The following LZTS1 variants were observed in gnomAD, a reference collection of about 807,000 sequenced individuals.
The protein encoded by LZTS1 is leucine zipper putative tumor suppressor 1.
A neutral mutation model predicts 45.8 loss-of-function variants in LZTS1; 31 were observed. The observed-to-expected ratio is 0.68, with a 90% CI of 0.51 to 0.91. LZTS1 has a LOEUF of 0.91. LZTS1 is among the 40% of genes least tolerant of loss of function. The pLI is 0.00. For synonymous variants in LZTS1, 359 were observed against 357.3 expected (o/e 1.00, Z -0.05); for missense variants, 821 against 788.9 (o/e 1.04, Z -0.49).
In LZTS1 at chr8:20,250,246, G is replaced by A. The variant is rs763490121; in HGVS notation, c.1267C>T (p.Arg423Trp). The change falls in exon 4 of 4, where the codon CGG (arginine) becomes TGG (tryptophan). Residue 423 changes from arginine (R) to tryptophan (W), a missense_variant. Transcript: ENST00000381569. Reference sequence around the variant, plus strand: ...AGCTCCAGGCCCTCCAGCTTGCCCCGCGTGTCCTTCAGCTGTGCCTTGAGA... The same window carrying A: ...AGCTCCAGGCCCTCCAGCTTGCCCCACGTGTCCTTCAGCTGTGCCTTGAGA... Reference protein sequence around the residue: ...LGLKAQLKDTRGKLEGLELRT... With the variant: ...LGLKAQLKDTWGKLEGLELRT... 46 of 1,613,496 alleles carry A rather than the reference G, an allele frequency of 2.9e-5. No individual in the cohort carries two copies. The highest frequency in any genetic ancestry group is 3.4e-5 in the Non-Finnish European group (40 of 1,180,014).
intron 1 of LZTS1, among the ~76,000 whole-genome samples, chr8:20,300,333 A>AT (rs1002487210): frequency 1.9e-4 from 29 of 149,706 alleles, no homozygotes; most frequent in East Asian, 5.9e-4. Flanking sequence ...CCAACACTGT[A>AT]TTTTTTTTTT....
intron 1 of LZTS1, among the ~76,000 whole-genome samples, chr8:20,281,881 A>G (rs1800699698): frequency 6.6e-6 from 1 of 152,324 alleles, no homozygotes; most frequent in Non-Finnish European, 1.5e-5. Flanking sequence ...TGAAAAAATA[A>G]ATGGACTAAT....
At chr8:20,288,768 C>A (rs1037564740) in intron 1 of LZTS1, among the ~76,000 whole-genome samples, 2 of 152,090 alleles carry the variant, frequency 1.3e-5, no homozygotes, top group Non-Finnish European at 2.9e-5. Context: ...GCCCAACCTG[C>A]CCCTCCTCTG....
At chr8:20,303,596 TCGACAGCCA>T in intron 1 of LZTS1, 135 bp downstream of exon 1, 1 of 723,012 alleles carries the variant, frequency 1.4e-6, no homozygotes, top group Non-Finnish European at 1.7e-6. Context: ...CAAAGACACC[TCGACAGCCA>T]CGGACACAGA....
intron 1 of LZTS1, among the ~76,000 whole-genome samples, chr8:20,296,307 C>A (rs557660003): frequency 6.6e-6 from 1 of 152,202 alleles, no homozygotes; most frequent in African/African-American, 2.4e-5. Flanking sequence ...GGTTTGAGAA[C>A]AATGCCCACT....
intron 2 of LZTS1, among the ~76,000 whole-genome samples, chr8:20,254,462 C>G (rs1800035881): frequency 6.6e-6 from 1 of 152,224 alleles, no homozygotes; most frequent in African/African-American, 2.4e-5. Flanking sequence ...GGCCTGCATC[C>G]TCTTCATCTG....
intron 1 of LZTS1, among the ~76,000 whole-genome samples, chr8:20,265,144 G>A (rs1235481745): frequency 6.6e-6 from 1 of 152,168 alleles, no homozygotes; most frequent in East Asian, 1.9e-4. Flanking sequence ...AGGGATCAGA[G>A]TTCTGCCTGT....
At chr8:20,254,088 C>A (rs1800024802) in intron 2 of LZTS1, among the ~76,000 whole-genome samples, 1 of 152,216 alleles carries the variant, frequency 6.6e-6, no homozygotes, top group Non-Finnish European at 1.5e-5. Flanking sequence ...GAGTGCTTCA[C>A]AGTTTACAAG....
At chr8:20,299,645 G>T (rs1442564405) in intron 1 of LZTS1, among the ~76,000 whole-genome samples, 1 of 152,094 alleles carries the variant, frequency 6.6e-6, no homozygotes, top group Admixed American at 6.5e-5. Flanking sequence ...TCGCCATGGA[G>T]CCCCGAGAAC....
intron 1 of LZTS1, among the ~76,000 whole-genome samples, chr8:20,258,785 T>C (rs1270621298): frequency 6.6e-6 from 1 of 152,240 alleles, no homozygotes; most frequent in Non-Finnish European, 1.5e-5. Context: ...CCATTGTCCT[T>C]GCCAACATCC....
intron 1 of LZTS1, among the ~76,000 whole-genome samples, chr8:20,266,448 G>A (rs1800357223): frequency 6.6e-6 from 1 of 152,196 alleles, no homozygotes; most frequent in South Asian, 2.1e-4. Context: ...CTCCACATAT[G>A]CAGATACCGA....
At chr8:20,266,404 A>G (rs1218800283) in intron 1 of LZTS1, among the ~76,000 whole-genome samples, 6 of 152,194 alleles carry the variant, frequency 3.9e-5, no homozygotes, top group Non-Finnish European at 8.8e-5. Flanking sequence ...AGGGAAGCTG[A>G]GGCTCTGGGA....
chr8:20,252,335 A>G (rs549971752), intron 3 of LZTS1, among the ~76,000 whole-genome samples: 217 of 152,270 alleles, frequency 1.4e-3, no homozygotes, highest in Non-Finnish European at 2.0e-3. Context: ...CCTGCCACCA[A>G]TAGGGTCCCT....
chr8:20,256,060 CAAAAAA>C (rs386412254), intron 1 of LZTS1, among the ~76,000 whole-genome samples: 102 of 56,464 alleles, frequency 1.8e-3, no homozygotes, highest in African/African-American at 6.2e-3. Flanking sequence ...GGGCCTGACT[CAAAAAA>C]AAAAAAAAAA....
At chr8:20,293,769 C>CA (rs1028923666) in intron 1 of LZTS1, among the ~76,000 whole-genome samples, 1 of 152,060 alleles carries the variant, frequency 6.6e-6, no homozygotes, top group Admixed American at 6.5e-5. Context: ...CTCATCTCTA[C>CA]AAAAAAATTT....
chr8:20,286,747 A>G (rs1370196288), intron 1 of LZTS1, among the ~76,000 whole-genome samples: 3 of 152,246 alleles, frequency 2.0e-5, no homozygotes, highest in Non-Finnish European at 2.9e-5. Flanking sequence ...GCCTATGCAC[A>G]GTAGAATGAA....
At chr8:20,297,191 A>C (rs1213325154) in intron 1 of LZTS1, among the ~76,000 whole-genome samples, 1 of 152,226 alleles carries the variant, frequency 6.6e-6, no homozygotes, top group East Asian at 1.9e-4. Flanking sequence ...AGGTGGAAAC[A>C]CTGAAATATA....
intron 1 of LZTS1, among the ~76,000 whole-genome samples, chr8:20,302,740 G>C (rs1801102645): frequency 6.6e-6 from 1 of 152,234 alleles, no homozygotes; most frequent in Non-Finnish European, 1.5e-5. Context: ...GAGGGAATAA[G>C]TGAGACAGGA....
chr8:20,257,316 C>T (rs528711086), intron 1 of LZTS1, among the ~76,000 whole-genome samples: 11 of 152,066 alleles, frequency 7.2e-5, no homozygotes, highest in South Asian at 4.2e-4. Context: ...GCTGAGATCA[C>T]GCCACTGCAC....
Sources: allele counts gnomAD v4.1 joint callset (sites outside exome capture counted in the v4.1 genomes callset), GRCh38; gene constraint gnomAD v4.1.1; transcripts MANE v1.5; gene names NCBI Gene and HGNC (gene_info 2026-07-23, HGNC 2026-07-21).